ABCA1: variants seen among roughly 807,000 people sequenced by gnomAD.
The protein encoded by ABCA1 is phospholipid-transporting ATPase ABCA1.
In ABCA1, 133 loss-of-function variants were observed where a neutral mutation model predicts 262.5. The observed-to-expected ratio is 0.51, with a 90% CI of 0.44 to 0.59. The LOEUF is 0.59. Ranked by LOEUF, ABCA1 falls within the 20% of genes least tolerant of loss-of-function variation. ABCA1 has a pLI of 0.00. For synonymous variants in ABCA1, 1,022 were observed against 1,043.5 expected (o/e 0.98, Z 0.40); for missense variants, 2,452 against 2,777.5 (o/e 0.88, Z 2.63).
At chr9:104,811,293 A>G (rs113509037) in intron 28 of ABCA1, among the ~76,000 whole-genome samples, 267 of 152,348 alleles carry the variant, frequency 1.8e-3, no homozygotes, top group African/African-American at 5.9e-3. Flanking sequence ...ACCCAGGACC[A>G]GGAGCCAGAA....
In ABCA1 at chr9:104,816,422, T is replaced by C. The variant is rs1342464838; in HGVS notation, c.3536-77A>G. 5.0e-6 allele frequency: 7 copies of C among 1,405,344 alleles called. No homozygotes were observed. In the East Asian group the frequency reaches 1.4e-4, roughly 28 times the overall value. The allele number at this position is 1,405,344 out of a possible 1,614,324, so 87.1% of individuals were successfully genotyped here. ...AGTGAGGGCTGGCCATCCCCCACCC[T>C]CTCATCAGAGGCCTGCCGCTCATAC... On this transcript the variant is annotated intron_variant, in intron 24 of 49. Transcript: ENST00000374736.
rs1836687330 is a variant in ABCA1, at chr9:104,862,684, C to CAGGGCAGGGCAGGGCAGGGCA, written c.422-885_422-884insTGCCCTGCCCTGCCCTGCCCT. Among the ~76,000 whole-genome samples, 24 of 8,844 alleles carry CAGGGCAGGGCAGGGCAGGGCA rather than the reference C, an allele frequency of 2.7e-3. 8 individuals carry two copies. Among genetic ancestry groups the CAGGGCAGGGCAGGGCAGGGCA allele is most frequent in the African/African-American group, 0.011 (23 of 2,142 alleles). 5.8% of individuals were successfully genotyped at this position (8,844 alleles called of 152,430 possible). ...CGGGCCGGGCCGGGCCGGGCCGGGC[C>CAGGGCAGGGCAGGGCAGGGCA]GGGCCGGGCCGGGCCGGCCCCCACC... On this transcript the variant is annotated intron_variant, in intron 5 of 49. Coordinates refer to ENST00000374736, the MANE Select transcript of ABCA1 (RefSeq NM_005502.4).
chr9:104,817,288 G>A lies in ABCA1; in HGVS notation c.3535+44C>T. On this transcript the variant is annotated intron_variant, in intron 24 of 49. Coordinates refer to ENST00000374736, the MANE Select transcript of ABCA1 (RefSeq NM_005502.4). The surrounding 1 kb of genome is among the most constrained non-coding windows in gnomAD (Gnocchi z 4.7). ...TCTGCCTCCACTCTGCCCAGCTGGG[G>A]GAAGCTCAGGCACCACCTGAATAAG... 6.2e-7 allele frequency: 1 copy of A among 1,613,970 alleles called. No homozygotes were observed. The highest frequency in any genetic ancestry group is 8.5e-7 in the Non-Finnish European group (1 of 1,179,956).
chr9:104,882,155 C>G (rs1409189309), intron 5 of ABCA1, among the ~76,000 whole-genome samples: 2 of 151,734 alleles, frequency 1.3e-5, no homozygotes. Flanking sequence ...GGCCAGCCAA[C>G]TCCATCCCTC....
At chr9:104,818,083 C>T (rs1318029422) in intron 23 of ABCA1, among the ~76,000 whole-genome samples, 1 of 151,848 alleles carries the variant, frequency 6.6e-6, no homozygotes, top group Non-Finnish European at 1.5e-5. Flanking sequence ...CAATTCCCTA[C>T]AAGCCTCACT....
intron 3 of ABCA1, among the ~76,000 whole-genome samples, chr9:104,886,125 G>A (rs1839147449): frequency 6.6e-6 from 1 of 152,156 alleles, no homozygotes; most frequent in Non-Finnish European, 1.5e-5. Flanking sequence ...ATGAGCCTAT[G>A]AGGATTTTCC....
At chr9:104,898,631 G>A (rs937330833) in intron 2 of ABCA1, among the ~76,000 whole-genome samples, 5 of 151,706 alleles carry the variant, frequency 3.3e-5, no homozygotes, top group Non-Finnish European at 7.4e-5. Context: ...AGGAGAATTG[G>A]CCCTAAATGA....
chr9:104,908,834 G>A lies in ABCA1; in HGVS notation c.-92-5063C>T, dbSNP rs192471803. On this transcript the variant is annotated intron_variant, in intron 1 of 49. Coordinates refer to ENST00000374736, the MANE Select transcript of ABCA1 (RefSeq NM_005502.4). The stretch of plus-strand genomic sequence containing the variant: ...ATTTATATGACATTCTGGAAAAGGT[G>A]AAATGAAGGGGACAGAAATCACTGC... Among the ~76,000 whole-genome samples the A allele has an allele frequency of 4.6e-5, 7 of 152,296 alleles. No individual in the cohort carries two copies. The East Asian group carries it at 1.2e-3, about 25-fold the overall frequency.
intron 4 of ABCA1, among the ~76,000 whole-genome samples, chr9:104,883,681 G>A (rs1031470439): frequency 6.2e-5 from 9 of 145,328 alleles, no homozygotes; most frequent in Admixed American, 4.8e-4. Context: ...GCCCATGGAG[G>A]CTACAAAGCC....
chr9:104,834,800 G>C (rs1833660833), intron 11 of ABCA1, among the ~76,000 whole-genome samples: 1 of 131,778 alleles, frequency 7.6e-6, no homozygotes, highest in Non-Finnish European at 1.7e-5. Context: ...GGACCTGTGG[G>C]GTGAGGCAAC....
intron 5 of ABCA1, among the ~76,000 whole-genome samples, chr9:104,882,427 G>T (rs1410833955): frequency 6.6e-6 from 1 of 152,236 alleles, no homozygotes; most frequent in Non-Finnish European, 1.5e-5. Flanking sequence ...AGGCTGCTCT[G>T]ATGCTATGGC....
intron 1 of ABCA1, among the ~76,000 whole-genome samples, chr9:104,923,668 T>A (rs1443007799): frequency 4.6e-5 from 7 of 152,226 alleles, no homozygotes; most frequent in Non-Finnish European, 7.3e-5. Flanking sequence ...GCAAGGTATA[T>A]AGCCAGAGAA....
At chr9:104,822,784 G>T in intron 18 of ABCA1, 117 bp from the exon 19 acceptor site, 1 of 1,200,432 alleles carries the variant, frequency 8.3e-7, no homozygotes, top group Non-Finnish European at 1.2e-6. Context: ...GTCCACCCTG[G>T]TTTCTCAGGC....
intron 29 of ABCA1, among the ~76,000 whole-genome samples, 196 bp from the exon 30 acceptor site, chr9:104,809,760 G>C (rs911098841): frequency 1.3e-5 from 2 of 152,220 alleles, no homozygotes; most frequent in South Asian, 2.1e-4. Flanking sequence ...GGGTGACGTA[G>C]AGCACTCCAA....
chr9:104,828,999 T>C lies in ABCA1; in HGVS notation c.2032A>G (p.Asn678Asp). 1 of 1,614,192 alleles carries C rather than the reference T, an allele frequency of 6.2e-7. No individual in the cohort carries two copies. Among genetic ancestry groups the C allele is most frequent in the Non-Finnish European group, 8.5e-7 (1 of 1,180,044 alleles). Residue 678 changes from asparagine to aspartate, a missense_variant, in exon 15 of 50, where the codon AAC becomes GAC. This residue lies in a region of ABCA1 where 1,032 missense variants were observed against 1,089.7 expected (regional missense o/e 0.95). Coordinates refer to ENST00000374736, the MANE Select transcript of ABCA1 (RefSeq NM_005502.4). The stretch of plus-strand genomic sequence containing the variant: ...AACCAGCTAAACCAGAGGATGCTGT[T>C]GTCCAGGCCCATGATCCGCATGGTC... ...KETMRIMGLD[N>D]SILWFSWFIS...
At chr9:104,839,652 AC>A (rs200096286) in intron 9 of ABCA1, among the ~76,000 whole-genome samples, 2,235 of 137,016 alleles carry the variant, frequency 0.016, 35 homozygotes, top group African/African-American at 0.043. Context: ...TTTTTGAGTT[AC>A]AACTGACAAA....
At chr9:104,790,715 A>C (rs1198406091) in intron 44 of ABCA1, among the ~76,000 whole-genome samples, 1 of 152,250 alleles carries the variant, frequency 6.6e-6, no homozygotes, top group Non-Finnish European at 1.5e-5. Context: ...TTAAAAGAAG[A>C]GAATGAGACT....
intron 27 of ABCA1, among the ~76,000 whole-genome samples, chr9:104,813,794 G>A (rs551570715): frequency 1.3e-4 from 20 of 152,256 alleles, no homozygotes; most frequent in South Asian, 1.0e-3. Flanking sequence ...TCATCTACTC[G>A]AATGAATATT....
intron 1 of ABCA1, among the ~76,000 whole-genome samples, chr9:104,923,550 T>C (rs1347596600): frequency 4.6e-5 from 7 of 152,210 alleles, no homozygotes; most frequent in Admixed American, 4.6e-4. Flanking sequence ...CAGATGAATG[T>C]AGAGAATGTG....
Sources: gnomAD v4.1 joint callset for allele counts (sites outside exome capture counted in the v4.1 genomes callset) on GRCh38, gnomAD v4.1.1 for gene constraint, gnomAD v4.1.1 regional missense constraint, Gnocchi (gnomAD v3.1) non-coding constraint, MANE v1.5 for transcripts, NCBI Gene and HGNC (gene_info 2026-07-23, HGNC 2026-07-21) for gene names.